Variants in PRKAR2B observed in about 807,000 individuals in gnomAD.
The protein encoded by PRKAR2B is cAMP-dependent protein kinase type II-beta regulatory subunit.
PRKAR2B carries 14 observed loss-of-function variants against 49.9 expected under a neutral mutation model. The observed-to-expected ratio is 0.28, with a 90% CI of 0.19 to 0.44. The LOEUF (loss-of-function observed/expected upper bound fraction) is 0.44. PRKAR2B is among the 20% of genes least tolerant of loss of function. The pLI, the probability that PRKAR2B is intolerant of heterozygous loss-of-function variation, is 1.00. For synonymous variants in PRKAR2B, 196 were observed against 197.7 expected, an observed-to-expected ratio of 0.99 and a Z score of 0.07; for missense variants, 393 against 537.9, an observed-to-expected ratio of 0.73 and a Z score of 2.67.
At chr7:107,069,069 G>A (rs1794211131) in intron 1 of PRKAR2B, among the ~76,000 whole-genome samples, 1 of 152,078 alleles carries the variant, frequency 6.6e-6, no homozygotes, top group African/African-American at 2.4e-5. Context: ...CAAGTAGCTG[G>A]GATTAGAGGC....
chr7:107,059,378 G>A (rs2536495), intron 1 of PRKAR2B, among the ~76,000 whole-genome samples: 96,713 of 151,964 alleles, frequency 0.64, 32,034 homozygotes, highest in African/African-American at 0.82. Context: ...TTCTCTCTCC[G>A]GAGATAACCA....
At chr7:107,128,510 A>G (rs1246302555) in intron 4 of PRKAR2B, among the ~76,000 whole-genome samples, 1 of 152,184 alleles carries the variant, frequency 6.6e-6, no homozygotes, top group Non-Finnish European at 1.5e-5. Context: ...AGCAAGAAGT[A>G]AAGAAGCCTG....
intron 6 of PRKAR2B, among the ~76,000 whole-genome samples, chr7:107,148,268 C>T (rs578083355): frequency 7.2e-5 from 11 of 152,250 alleles, no homozygotes; most frequent in South Asian, 2.1e-4. Context: ...ATGGGGTTGC[C>T]GTTCAGATTC....
intron 4 of PRKAR2B, among the ~76,000 whole-genome samples, chr7:107,130,649 A>G (rs918847659): frequency 2.6e-5 from 4 of 152,188 alleles, no homozygotes; most frequent in Non-Finnish European, 5.9e-5. Context: ...AGTTCATTCA[A>G]TCCACGTTTG....
At chr7:107,075,390 C>A (rs1794377390) in intron 2 of PRKAR2B, among the ~76,000 whole-genome samples, 1 of 151,324 alleles carries the variant, frequency 6.6e-6, no homozygotes, top group Non-Finnish European at 1.5e-5. Context: ...TGTAAGCCAC[C>A]ACACCTGGCA....
chr7:107,100,959 T>C (rs1407469616), intron 2 of PRKAR2B, among the ~76,000 whole-genome samples: 1 of 152,086 alleles, frequency 6.6e-6, no homozygotes, highest in African/African-American at 2.4e-5. Flanking sequence ...AAATCTTTGC[T>C]AAGTCTAACA....
rs1796021138 is a variant in PRKAR2B, at chr7:107,153,230, T to C, written c.897T>C (p.Asp299=). The C allele has an allele frequency of 3.1e-6, 5 of 1,607,124 alleles. No individual in the cohort carries two copies. The highest frequency in any genetic ancestry group is 4.2e-6 in the Non-Finnish European group (5 of 1,176,566). The change falls in exon 8 of 11, where the codon GAT becomes GAC. Residue 299 remains aspartate (D), a synonymous_variant. Coordinates refer to ENST00000265717, the MANE Select transcript of PRKAR2B (RefSeq NM_002736.3). ...VDVIGTKVYN[D]GEQIIAQGDS... ...TGATAGGCACCAAAGTATACAACGA[T>C]GGAGAACAAATCATTGCTCAGGTAT...
chr7:107,067,988 A>G (rs753994712), intron 1 of PRKAR2B, among the ~76,000 whole-genome samples: 2 of 152,214 alleles, frequency 1.3e-5, no homozygotes, highest in African/African-American at 2.4e-5. Context: ...TATGCAGGAC[A>G]AAAGTTGAAG....
intron 1 of PRKAR2B, among the ~76,000 whole-genome samples, chr7:107,058,100 G>C (rs1356633891): frequency 6.6e-6 from 1 of 151,210 alleles, no homozygotes; most frequent in African/African-American, 2.4e-5. Context: ...GCTTTGCTTT[G>C]TTTTCATACC....
At chr7:107,130,035 G>A (rs1027425191) in intron 4 of PRKAR2B, among the ~76,000 whole-genome samples, 1 of 151,108 alleles carries the variant, frequency 6.6e-6, no homozygotes, top group African/African-American at 2.5e-5. Context: ...AGCCCAGTAG[G>A]TTTCAGCCTT....
chr7:107,068,498 G>A (rs778297619), intron 1 of PRKAR2B: 1 of 152,056 alleles, frequency 6.6e-6, no homozygotes, highest in Non-Finnish European at 1.5e-5. Context: ...ATGGGCCTTT[G>A]TGTGTATGTG....
chr7:107,078,737 T>G (rs1343914685), intron 2 of PRKAR2B, among the ~76,000 whole-genome samples: 1 of 152,226 alleles, frequency 6.6e-6, no homozygotes, highest in Non-Finnish European at 1.5e-5. Context: ...GTTGAGTCTC[T>G]GGTTCTTTTT....
chr7:107,154,416 G>A (rs972450138), intron 8 of PRKAR2B, among the ~76,000 whole-genome samples: 3 of 152,124 alleles, frequency 2.0e-5, no homozygotes, highest in Non-Finnish European at 4.4e-5. Context: ...TTTAAAAATA[G>A]TTAAAAATTA....
chr7:107,058,372 C>G (rs947374739), intron 1 of PRKAR2B, among the ~76,000 whole-genome samples: 1 of 152,174 alleles, frequency 6.6e-6, no homozygotes, highest in Non-Finnish European at 1.5e-5. Flanking sequence ...GCCCTTTCCT[C>G]ATGTCATAAT....
At chr7:107,056,821 T>G (rs1296407423) in intron 1 of PRKAR2B, among the ~76,000 whole-genome samples, 1 of 152,222 alleles carries the variant, frequency 6.6e-6, no homozygotes, top group African/African-American at 2.4e-5. Context: ...TATCTTCAGT[T>G]CAGTCTCATA....
intron 2 of PRKAR2B, among the ~76,000 whole-genome samples, chr7:107,107,387 T>C (rs1026527555): frequency 6.6e-6 from 1 of 152,112 alleles, no homozygotes; most frequent in Admixed American, 6.5e-5. Flanking sequence ...CCAATTTGTA[T>C]TGGACCCAAG....
Position 107,160,694 on chromosome 7 carries a change from T to C in PRKAR2B, c.*1112T>C, listed in dbSNP as rs1316655934. On this transcript the variant is annotated 3_prime_UTR_variant, in exon 11 of 11. Transcript: ENST00000265717. The stretch of plus-strand genomic sequence containing the variant: ...CTAGAGGAATAGAAACAAATTTTTA[T>C]GAGCATAACCCTATATAAAGACAAA... 6.6e-6 allele frequency: 1 copy of C among 152,214 alleles called. No homozygotes were observed. Among genetic ancestry groups the C allele is most frequent in the Non-Finnish European group, 1.5e-5 (1 of 68,036 alleles). The allele number at this position is 152,214 out of a possible 1,614,324, so 9.4% of individuals were successfully genotyped here.
At chr7:107,158,949 C>T (rs1319978229) in intron 10 of PRKAR2B, among the ~76,000 whole-genome samples, 1 of 152,086 alleles carries the variant, frequency 6.6e-6, no homozygotes, top group East Asian at 1.9e-4. Context: ...TAGAAGTAAA[C>T]AAAAGCATTA....
intron 2 of PRKAR2B, among the ~76,000 whole-genome samples, chr7:107,088,867 T>C (rs1275207588): frequency 6.6e-6 from 1 of 152,160 alleles, no homozygotes; most frequent in Admixed American, 6.6e-5. Flanking sequence ...CCCAAAGTGC[T>C]GGGATTACAG....
Sources: gnomAD v4.1 joint callset for allele counts (sites outside exome capture counted in the v4.1 genomes callset) on GRCh38, gnomAD v4.1.1 for gene constraint, MANE v1.5 for transcripts, NCBI Gene and HGNC (gene_info 2026-07-23, HGNC 2026-07-21) for gene names.